The following MAML3 variants were observed in gnomAD, a reference collection of about 807,000 sequenced individuals.
MAML3 encodes mastermind like transcriptional coactivator 3.
MAML3 carries 27 observed loss-of-function variants against 101.9 expected under a neutral mutation model. The observed-to-expected ratio is 0.27, with a 90% CI of 0.20 to 0.37. MAML3 has a LOEUF of 0.37. MAML3 is among the 10% of genes least tolerant of loss of function. MAML3 has a pLI of 1.00. For missense variants in MAML3, 1,316 were observed against 1,444.9 expected, an observed-to-expected ratio of 0.91 and a Z score of 1.45; for synonymous variants, 501 against 555.9, an observed-to-expected ratio of 0.90 and a Z score of 1.39.
At chr4:140,091,807 A>G (rs1728056830) in intron 1 of MAML3, among the ~76,000 whole-genome samples, 1 of 151,958 alleles carries the variant, frequency 6.6e-6, no homozygotes, top group Non-Finnish European at 1.5e-5. Context: ...CCTTTCGAAG[A>G]AAGCAGGGCA....
intron 1 of MAML3, among the ~76,000 whole-genome samples, chr4:140,027,989 C>T (rs185962479): frequency 6.6e-5 from 10 of 152,252 alleles, no homozygotes. Flanking sequence ...CACATATTTA[C>T]CCTCTCAAAT....
chr4:140,092,005 T>A (rs1728060428), intron 1 of MAML3, among the ~76,000 whole-genome samples: 2 of 151,150 alleles, frequency 1.3e-5, no homozygotes, highest in Admixed American at 1.3e-4. Context: ...CAGTGGGGTA[T>A]CATCTCTGTT....
Position 139,890,919 on chromosome 4 carries a change from T to G in MAML3, c.517A>C (p.Asn173His). The G allele has an allele frequency of 1.9e-6, 3 of 1,613,516 alleles. No homozygotes were observed. The highest frequency in any genetic ancestry group is 2.5e-6 in the Non-Finnish European group (3 of 1,179,662). Reference sequence around the variant, plus strand: ...CAAGCACCATTCTGCTGGTCTCCATTAAGTGGTGATCGAGCTCCTTCCAAC... The same window carrying G: ...CAAGCACCATTCTGCTGGTCTCCATGAAGTGGTGATCGAGCTCCTTCCAAC... ...RKLEGARSPL[N>H]GDQQNGACDG... is the part of the protein sequence containing the mutation. Residue 173 changes from asparagine (N) to histidine (H), a missense_variant, in exon 2 of 5, where the codon AAT becomes CAT. Coordinates refer to ENST00000509479, the MANE Select transcript of MAML3 (RefSeq NM_018717.5). This position sits in a 1 kb window ranked among gnomAD's most constrained non-coding sequence, Gnocchi z 4.1.
At chr4:140,032,709 T>G (rs1726926890) in intron 1 of MAML3, among the ~76,000 whole-genome samples, 1 of 152,164 alleles carries the variant, frequency 6.6e-6, no homozygotes, top group African/African-American at 2.4e-5. Context: ...TGAACCCTCT[T>G]CATTCTGTCA....
At chr4:139,926,351 C>T (rs1733258268) in intron 1 of MAML3, among the ~76,000 whole-genome samples, 1 of 152,134 alleles carries the variant, frequency 6.6e-6, no homozygotes, top group Non-Finnish European at 1.5e-5. Context: ...GTAATCCTAA[C>T]ACTTTGGGAG....
chr4:139,865,561 A>G (rs1239862120), intron 2 of MAML3, among the ~76,000 whole-genome samples: 1 of 150,470 alleles, frequency 6.6e-6, no homozygotes, highest in Non-Finnish European at 1.5e-5. Context: ...TCTTTGTAGA[A>G]GTGGTCCAGG....
At chr4:139,734,868 C>G (rs947854493) in intron 2 of MAML3, among the ~76,000 whole-genome samples, 3 of 152,260 alleles carry the variant, frequency 2.0e-5, no homozygotes, top group Admixed American at 6.5e-5. Context: ...GCTGGGGTGA[C>G]GGGGACCCCG....
intron 2 of MAML3, among the ~76,000 whole-genome samples, chr4:139,826,451 C>T (rs1467456324): frequency 3.9e-5 from 6 of 152,104 alleles, no homozygotes; most frequent in South Asian, 2.1e-4. Flanking sequence ...GAACACGAAT[C>T]GCATAACTAG....
At chr4:140,073,078 A>G (rs1349538138) in intron 1 of MAML3, among the ~76,000 whole-genome samples, 1 of 151,964 alleles carries the variant, frequency 6.6e-6, no homozygotes, top group Non-Finnish European at 1.5e-5. Flanking sequence ...AATCTATGGG[A>G]GAACTGGAAA....
At chr4:139,832,270 ATTTT>A (rs201591432) in intron 2 of MAML3, among the ~76,000 whole-genome samples, 1 of 139,398 alleles carries the variant, frequency 7.2e-6, no homozygotes, top group Non-Finnish European at 1.5e-5. Context: ...ACGCCCAGCT[ATTTT>A]TTTTTTTATT....
chr4:140,148,914 G>A lies in MAML3; in HGVS notation c.468+3946C>T, dbSNP rs560074673. ...TATATAAATTAAGCACACTCTGAAA[G>A]TTACGATGGTGCTAATACAGTGAAG... On this transcript the variant is annotated intron_variant, in intron 1 of 4. Coordinates refer to ENST00000509479, the MANE Select transcript of MAML3 (RefSeq NM_018717.5). Among the ~76,000 whole-genome samples, 3 of 152,320 alleles carry A rather than the reference G, an allele frequency of 2.0e-5. No homozygotes were observed. In the South Asian group the frequency reaches 6.2e-4, roughly 32 times the overall value.
At position 140,077,389 on chromosome 4, in the gene MAML3, C is replaced by G. The variant is rs1727787621; in HGVS notation, c.468+75471G>C. Among the ~76,000 whole-genome samples the G allele has an allele frequency of 2.0e-5, 3 of 152,148 alleles. No individual in the cohort carries two copies. The South Asian group carries it at 6.2e-4, about 32-fold the overall frequency. On this transcript the variant is annotated intron_variant, in intron 1 of 4. Coordinates refer to ENST00000509479, the MANE Select transcript of MAML3 (RefSeq NM_018717.5). ...TCCTCACCCAACAAAATCTTGCAGC[C>G]CCGCATCAAAGGCAGCCCTGAAGCA...
Position 139,889,522 on chromosome 4 carries a change from C to T in MAML3, c.1914G>A (p.Gln638=), listed in dbSNP as rs550080600. 1.2e-6 allele frequency: 2 copies of T among 1,611,952 alleles called. No individual in the cohort carries two copies. The highest frequency in any genetic ancestry group is 8.5e-7 in the Non-Finnish European group (1 of 1,178,418). Residue 638 remains glutamine (Q), a synonymous_variant, in exon 2 of 5, where the codon CAG becomes CAA. Transcript: ENST00000509479. ...GCTGCTGCTGCTGTTGCTGTTGCTGCTGCTGTTGCTGCTGCTGGATATACG... is the reference window on the plus strand; with the variant it reads ...GCTGCTGCTGCTGTTGCTGTTGCTGTTGCTGTTGCTGCTGCTGGATATACG... The part of the protein sequence containing the change: ...LMPYIQQQQQ[Q]QQQQQQQQQQ...
chr4:140,053,191 G>A (rs1727296678), intron 1 of MAML3, among the ~76,000 whole-genome samples: 1 of 151,910 alleles, frequency 6.6e-6, no homozygotes. Flanking sequence ...GTTTAGTGTT[G>A]GATAGGCTGT....
intron 1 of MAML3, chr4:140,133,244 T>G (rs1005158668): frequency 6.0e-6 from 2 of 335,984 alleles, no homozygotes; most frequent in African/African-American, 4.3e-5. Flanking sequence ...TTCCTGAACC[T>G]AAAACTACAG....
chr4:140,045,015 C>G (rs1727156354), intron 1 of MAML3, among the ~76,000 whole-genome samples: 2 of 152,182 alleles, frequency 1.3e-5, no homozygotes, highest in African/African-American at 4.8e-5. Context: ...AAAAACTACT[C>G]AAAATATCAT....
intron 1 of MAML3, among the ~76,000 whole-genome samples, chr4:139,930,734 T>G (rs900289280): frequency 1.6e-4 from 24 of 152,128 alleles, no homozygotes; most frequent in African/African-American, 4.6e-4. Context: ...TCGTAGTCCC[T>G]TTTTCTTATG....
intron 1 of MAML3, among the ~76,000 whole-genome samples, chr4:140,008,981 T>C (rs1726502540): frequency 6.6e-6 from 1 of 152,236 alleles, no homozygotes; most frequent in African/African-American, 2.4e-5. Flanking sequence ...AACCTTTGCA[T>C]ATCTAAAAGG....
At chr4:140,033,424 C>T (rs1560872485) in intron 1 of MAML3, among the ~76,000 whole-genome samples, 4 of 151,968 alleles carry the variant, frequency 2.6e-5, no homozygotes, top group African/African-American at 9.7e-5. Flanking sequence ...AGAAGAGGTA[C>T]GGTATGGGAA....
Sources: allele counts gnomAD v4.1 joint callset (sites outside exome capture counted in the v4.1 genomes callset), GRCh38; gene constraint gnomAD v4.1.1; non-coding constraint Gnocchi (gnomAD v3.1); transcripts MANE v1.5; gene names NCBI Gene and HGNC (gene_info 2026-07-23, HGNC 2026-07-21).